The following CCL17 variants were observed in gnomAD, a reference collection of about 807,000 sequenced individuals.
CCL17 encodes the protein C-C motif chemokine ligand 17, also known as C-C motif chemokine 17.
In CCL17, 8 loss-of-function variants were observed where a neutral mutation model predicts 7.4. The ratio of observed to expected loss-of-function variants is 1.09; its 90% confidence interval spans 0.64 to 1.96. The LOEUF is 1.96. Ranked by LOEUF, CCL17 falls within the 30% of genes most tolerant of loss-of-function variation. The pLI is 0.00. For missense variants in CCL17, 102 were observed against 113.0 expected (o/e 0.90, Z 0.44); for synonymous variants, 40 against 46.1 (o/e 0.87, Z 0.54).
chr16:57,402,687 G>C (rs1187887434), upstream of CCL17, among the ~76,000 whole-genome samples: 1 of 152,158 alleles, frequency 6.6e-6, no homozygotes, highest in African/African-American at 2.4e-5. Context: ...TACAAGGCTT[G>C]AGTGGAAGCT....
At chr16:57,397,770 C>T in the CCL17 span, among the ~76,000 whole-genome samples, 4 of 152,092 alleles carry the variant, frequency 2.6e-5, no homozygotes, top group South Asian at 2.1e-4. Flanking sequence ...TTTTCCTTTC[C>T]CAGTTCTAAG....
At chr16:57,414,790 A>G (rs535766467) in intron 2 of CCL17, among the ~76,000 whole-genome samples, 9 of 152,094 alleles carry the variant, frequency 5.9e-5, no homozygotes, top group Non-Finnish European at 1.2e-4. Flanking sequence ...ATGCACAGAG[A>G]CACACACGTA....
In CCL17 at chr16:57,406,193, A is replaced by T. The variant is rs926944775; in HGVS notation, c.-60+1357A>T. On this transcript the variant is annotated intron_variant, in intron 1 of 3. Transcript: ENST00000219244. ...AGCTAGCTCTGTGCCCATGAAGCAG[A>T]TTTATTTTGTTGTTGTTGAAATGGA... Among the ~76,000 whole-genome samples, 3 of 152,112 alleles carry T rather than the reference A, an allele frequency of 2.0e-5. 1 individual carries two copies. The highest frequency in any genetic ancestry group is 4.4e-5 in the Non-Finnish European group (3 of 68,000).
At chr16:57,413,807 G>T in intron 1 of CCL17, 67 bp from the exon 2 acceptor site, 1 of 668,226 alleles carries the variant, frequency 1.5e-6, no homozygotes, top group Non-Finnish European at 2.6e-6. Context: ...GTGAGGAGGT[G>T]ACAGAGGGGC....
intron 1 of CCL17, among the ~76,000 whole-genome samples, chr16:57,410,304 C>T (rs1902763558): frequency 6.6e-6 from 1 of 152,208 alleles, no homozygotes; most frequent in Admixed American, 6.5e-5. Flanking sequence ...GGTGTTGCAG[C>T]AGCCCCTGGG....
At chr16:57,396,930 G>A in the CCL17 span, among the ~76,000 whole-genome samples, 12 of 152,204 alleles carry the variant, frequency 7.9e-5, no homozygotes, top group Non-Finnish European at 1.5e-4. Flanking sequence ...GGTTGGAAAT[G>A]TAAGAGTGTA....
At chr16:57,407,748 T>TCATCCATCCATCCATC (rs373568401) in intron 1 of CCL17, among the ~76,000 whole-genome samples, 1 of 151,632 alleles carries the variant, frequency 6.6e-6, no homozygotes, top group African/African-American at 2.4e-5. Flanking sequence ...CATCCATCCA[T>TCATCCATCCATCCATC]CATCCATCCA....
intron 1 of CCL17, among the ~76,000 whole-genome samples, chr16:57,410,609 AG>A (rs1902768353): frequency 6.6e-6 from 1 of 152,158 alleles, no homozygotes; most frequent in Non-Finnish European, 1.5e-5. Context: ...AGCAGCATAA[AG>A]ATCTCTCAAG....
intron 1 of CCL17, among the ~76,000 whole-genome samples, chr16:57,405,929 C>T (rs1409870229): frequency 6.6e-6 from 1 of 151,274 alleles, no homozygotes; most frequent in Non-Finnish European, 1.5e-5. Context: ...GTAGTCCCAG[C>T]TACTTGGGAG....
chr16:57,397,785 G>C, the CCL17 span, among the ~76,000 whole-genome samples: 1 of 152,200 alleles, frequency 6.6e-6, no homozygotes, highest in East Asian at 1.9e-4. Flanking sequence ...TCTAAGGCTT[G>C]GGTAAGTGCC....
chr16:57,397,010 C>T, the CCL17 span, among the ~76,000 whole-genome samples: 1 of 152,194 alleles, frequency 6.6e-6, no homozygotes, highest in Admixed American at 6.5e-5. Flanking sequence ...ACTTTAACCA[C>T]TTCCTGATCC....
chr16:57,404,429 C>A (rs114434548), upstream of CCL17, among the ~76,000 whole-genome samples: 2 of 151,974 alleles, frequency 1.3e-5, no homozygotes, highest in African/African-American at 4.8e-5. Context: ...GAGGAAGAGG[C>A]GTCAGGGATA....
the CCL17 span, among the ~76,000 whole-genome samples, chr16:57,396,807 G>A: frequency 2.0e-5 from 3 of 152,174 alleles, no homozygotes; most frequent in African/African-American, 7.2e-5. Context: ...GGTGCCCCAG[G>A]GGCAGTCCTG....
chr16:57,412,299 C>G (rs1423244136), intron 1 of CCL17, among the ~76,000 whole-genome samples: 1 of 152,146 alleles, frequency 6.6e-6, no homozygotes, highest in Non-Finnish European at 1.5e-5. Context: ...GCCACAGGCT[C>G]CCAGGCAGCC....
chr16:57,408,338 AC>A (rs1902730602), intron 1 of CCL17, among the ~76,000 whole-genome samples: 1 of 152,054 alleles, frequency 6.6e-6, no homozygotes, highest in African/African-American at 2.4e-5. Flanking sequence ...TCACTCATTT[AC>A]CCATCCATAT....
At chr16:57,413,343 T>G (rs138496579) in intron 1 of CCL17, among the ~76,000 whole-genome samples, 1,827 of 152,166 alleles carry the variant, frequency 0.012, 14 homozygotes, top group Non-Finnish European at 0.018. Context: ...GATGCCCATG[T>G]GCCCATGCCC....
At chr16:57,409,996 C>T (rs1902758305) in intron 1 of CCL17, among the ~76,000 whole-genome samples, 1 of 152,226 alleles carries the variant, frequency 6.6e-6, no homozygotes, top group Admixed American at 6.5e-5. Context: ...GGGCAAGTCA[C>T]TGCCCTGATG....
At chr16:57,397,830 G>C in the CCL17 span, among the ~76,000 whole-genome samples, 1 of 152,200 alleles carries the variant, frequency 6.6e-6, no homozygotes, top group Admixed American at 6.5e-5. Flanking sequence ...GTCCCTAGGG[G>C]AAAAGGCTTA....
At chr16:57,405,398 TG>T (rs1178156053) in intron 1 of CCL17, among the ~76,000 whole-genome samples, 2 of 151,836 alleles carry the variant, frequency 1.3e-5, no homozygotes, top group Admixed American at 6.6e-5. Context: ...TGATGTAATG[TG>T]GGGGATGGAG....
Sources: gnomAD v4.1 joint callset for allele counts (sites outside exome capture counted in the v4.1 genomes callset) on GRCh38, gnomAD v4.1.1 for gene constraint, MANE v1.5 for transcripts, NCBI Gene and HGNC (gene_info 2026-07-23, HGNC 2026-07-21) for gene names.